Variants in SHOC2 observed in about 807,000 individuals in gnomAD.
SHOC2 encodes the protein SHOC2 leucine rich repeat scaffold protein, also known as leucine-rich repeat protein SHOC-2.
In SHOC2, 4 loss-of-function variants were observed where a neutral mutation model predicts 50.2. The observed-to-expected ratio is 0.08, with a 90% CI of 0.04 to 0.18. The LOEUF (loss-of-function observed/expected upper bound fraction) is 0.18. Among genes scored for constraint, SHOC2 ranks in the 10% least tolerant of loss-of-function variants. SHOC2 has a pLI of 1.00. For synonymous variants in SHOC2, 218 were observed against 244.5 expected, an observed-to-expected ratio of 0.89 and a Z score of 1.01; for missense variants, 388 against 669.6, an observed-to-expected ratio of 0.58 and a Z score of 4.64.
At chr10:110,959,413 T>G (rs1305428397) in intron 1 of SHOC2, among the ~76,000 whole-genome samples, 3 of 152,254 alleles carry the variant, frequency 2.0e-5, no homozygotes, top group African/African-American at 7.2e-5. Context: ...TTGTACAGTA[T>G]GCAAGGATAG....
chr10:110,945,617 C>T (rs531343965), intron 1 of SHOC2, among the ~76,000 whole-genome samples: 1 of 152,218 alleles, frequency 6.6e-6, no homozygotes, highest in South Asian at 2.1e-4. Flanking sequence ...TGTGATGTCG[C>T]CTCCACTTGG....
At chr10:110,959,694 C>T (rs553067496) in intron 1 of SHOC2, among the ~76,000 whole-genome samples, 30 of 152,294 alleles carry the variant, frequency 2.0e-4, no homozygotes, top group African/African-American at 6.3e-4. Flanking sequence ...GATTTCTAAG[C>T]TCGCCAGATG....
chr10:110,989,125 C>G, intron 3 of SHOC2: 2 of 462,604 alleles, frequency 4.3e-6, no homozygotes, highest in Non-Finnish European at 8.2e-6. Context: ...ATTCTTTCAT[C>G]ATGGTAAAAG....
At chr10:110,952,290 G>A (rs190621264) in intron 1 of SHOC2, among the ~76,000 whole-genome samples, 40 of 152,176 alleles carry the variant, frequency 2.6e-4, no homozygotes, top group Non-Finnish European at 4.4e-4. Flanking sequence ...CCCTACAAGC[G>A]AAGTCTTCCC....
chr10:110,985,457 A>G (rs1243938647), intron 2 of SHOC2, among the ~76,000 whole-genome samples, 171 bp from the exon 3 acceptor site: 1 of 152,100 alleles, frequency 6.6e-6, no homozygotes, highest in East Asian at 1.9e-4. Flanking sequence ...TGGCAATGCA[A>G]GTATGTTCAC....
intron 2 of SHOC2, among the ~76,000 whole-genome samples, chr10:110,971,374 T>C (rs1847778796): frequency 6.6e-6 from 1 of 152,094 alleles, no homozygotes; most frequent in Non-Finnish European, 1.5e-5. Flanking sequence ...AATATGTGGA[T>C]TTATTTCTGG....
At chr10:111,010,762 A>G (rs547626512) in intron 8 of SHOC2, among the ~76,000 whole-genome samples, 21 of 152,188 alleles carry the variant, frequency 1.4e-4, no homozygotes, top group Admixed American at 8.5e-4. Context: ...TAGGTAAGGT[A>G]TGTAAACTCC....
intron 2 of SHOC2, among the ~76,000 whole-genome samples, chr10:110,966,895 G>T (rs1297928742): frequency 6.6e-6 from 1 of 152,076 alleles, no homozygotes; most frequent in Non-Finnish European, 1.5e-5. Context: ...TTCATTCTAA[G>T]CAGGGCATCA....
intron 1 of SHOC2, among the ~76,000 whole-genome samples, chr10:110,926,358 C>A (rs1420407682): frequency 2.0e-5 from 3 of 152,106 alleles, no homozygotes; most frequent in Non-Finnish European, 4.4e-5. Flanking sequence ...ACAAACTGAA[C>A]AGGCCCAAAG....
Position 110,948,949 on chromosome 10 carries a change from T to C in SHOC2, c.-234-15176T>C, listed in dbSNP as rs548938388. On this transcript the variant is annotated intron_variant, in intron 1 of 8. Transcript: ENST00000369452. ...TGAGAGATTTTTTGCATTTTTTTTT[T>C]CCCAGCTCATCAGCTGGCGTTAGTG... 2.0e-5 allele frequency among the ~76,000 whole-genome samples: 3 copies of C among 152,246 alleles called. No individual in the cohort carries two copies. In the East Asian group the frequency reaches 5.8e-4, roughly 29 times the overall value.
At chr10:110,949,155 A>G (rs955276350) in intron 1 of SHOC2, among the ~76,000 whole-genome samples, 4 of 152,162 alleles carry the variant, frequency 2.6e-5, no homozygotes, top group Admixed American at 1.3e-4. Context: ...AGAAGAGATA[A>G]TGAAACTAAG....
intron 1 of SHOC2, among the ~76,000 whole-genome samples, chr10:110,938,973 A>T (rs965822676): frequency 2.0e-5 from 3 of 152,130 alleles, no homozygotes; most frequent in Non-Finnish European, 4.4e-5. Flanking sequence ...GTTACCATTG[A>T]TTTTCCAGAC....
intron 1 of SHOC2, among the ~76,000 whole-genome samples, chr10:110,942,591 C>T (rs1398390381): frequency 6.6e-6 from 1 of 152,200 alleles, no homozygotes; most frequent in Non-Finnish European, 1.5e-5. Flanking sequence ...TGAAGAGCCG[C>T]ACGTTCTCCT....
At chr10:110,934,766 C>T (rs1358077202) in intron 1 of SHOC2, among the ~76,000 whole-genome samples, 1 of 151,980 alleles carries the variant, frequency 6.6e-6, no homozygotes, top group Non-Finnish European at 1.5e-5. Context: ...TAAATGCACC[C>T]TAGGCATGGT....
At chr10:110,952,332 A>G (rs981590450) in intron 1 of SHOC2, among the ~76,000 whole-genome samples, 8 of 152,236 alleles carry the variant, frequency 5.3e-5, no homozygotes, top group African/African-American at 1.9e-4. Flanking sequence ...GAGTAAGCAC[A>G]TTCATTATTA....
intron 1 of SHOC2, among the ~76,000 whole-genome samples, chr10:110,923,576 A>G (rs1159608262): frequency 6.6e-6 from 1 of 152,188 alleles, no homozygotes; most frequent in African/African-American, 2.4e-5. Context: ...CAAGATTTAA[A>G]AGAACACTAA....
At chr10:110,961,122 T>A (rs529805242) in intron 1 of SHOC2, among the ~76,000 whole-genome samples, 7 of 152,114 alleles carry the variant, frequency 4.6e-5, no homozygotes, top group Admixed American at 6.5e-5. Flanking sequence ...TATAAAAACC[T>A]CCTTGCCAGC....
At chr10:110,971,503 C>G (rs1307764515) in intron 2 of SHOC2, among the ~76,000 whole-genome samples, 1 of 151,934 alleles carries the variant, frequency 6.6e-6, no homozygotes, top group Non-Finnish European at 1.5e-5. Context: ...CAATTTTGTC[C>G]TTTTTGCCCA....
intron 3 of SHOC2, among the ~76,000 whole-genome samples, chr10:110,995,591 AGCTGGTGACTGT>A (rs1342635265): frequency 1.3e-5 from 2 of 152,238 alleles, no homozygotes; most frequent in Admixed American, 1.3e-4. Context: ...TTCACCAACT[AGCTGGTGACTGT>A]GACAAGTTAC....
Sources: allele counts gnomAD v4.1 joint callset (sites outside exome capture counted in the v4.1 genomes callset), GRCh38; gene constraint gnomAD v4.1.1; transcripts MANE v1.5; gene names NCBI Gene and HGNC (gene_info 2026-07-23, HGNC 2026-07-21).